DGLUCY: variants seen among roughly 807,000 people sequenced by gnomAD.
DGLUCY encodes the protein D-glutamate cyclase, also known as D-glutamate cyclase, mitochondrial.
DGLUCY carries 58 observed loss-of-function variants against 58.5 expected under a neutral mutation model. The ratio of observed to expected loss-of-function variants is 0.99; its 90% CI spans 0.80 to 1.23. The LOEUF is 1.23. Among genes scored for constraint, DGLUCY ranks in the 50% most tolerant of loss-of-function variants. DGLUCY has a pLI of 0.00. For missense variants in DGLUCY, 779 were observed against 784.7 expected (o/e 0.99, Z 0.09); for synonymous variants, 325 against 314.1 (o/e 1.03, Z -0.37).
intron 9 of DGLUCY, 93 bp from the exon 10 acceptor site, chr14:91,196,282 G>A: frequency 1.1e-6 from 1 of 912,122 alleles, no homozygotes. Flanking sequence ...CAACAGTAAT[G>A]ATACCCTTCA....
At chr14:91,169,093 A>T (rs118090471) in intron 4 of DGLUCY, among the ~76,000 whole-genome samples, 7,753 of 152,102 alleles carry the variant, frequency 0.051, 272 homozygotes, top group African/African-American at 0.093. Flanking sequence ...TCTCAAAAAA[A>T]AAATAAATAA....
At chr14:91,164,022 T>C (rs958857065) in intron 3 of DGLUCY, among the ~76,000 whole-genome samples, 15 of 152,172 alleles carry the variant, frequency 9.9e-5, no homozygotes, top group Admixed American at 6.6e-4. Context: ...CGATCTCGGC[T>C]CACTGCAGCC....
At chr14:91,069,316 C>T (rs9989151) in intron 1 of DGLUCY, among the ~76,000 whole-genome samples, 44,513 of 152,060 alleles carry the variant, frequency 0.29, 6,591 homozygotes, top group Middle Eastern at 0.32. Flanking sequence ...TGCTCTGTCA[C>T]CCAGGCTGGA....
At chr14:91,076,645 A>C (rs1488780472) in intron 1 of DGLUCY, among the ~76,000 whole-genome samples, 1 of 152,190 alleles carries the variant, frequency 6.6e-6, no homozygotes, top group Non-Finnish European at 1.5e-5. Flanking sequence ...GAAACTCCAC[A>C]GGGATGGTGA....
chr14:91,220,648 T>A (rs1887330458), intron 13 of DGLUCY: 1 of 456,130 alleles, frequency 2.2e-6, no homozygotes. Flanking sequence ...TTTCTCCCGC[T>A]GCCACACTCC....
intron 8 of DGLUCY, among the ~76,000 whole-genome samples, chr14:91,185,271 A>ATTTTTTT (rs35639010): frequency 0.023 from 890 of 38,378 alleles, 133 homozygotes; most frequent in African/African-American, 0.042. Context: ...GCCCAGCCGG[A>ATTTTTTT]TTTTTTTTTT....
intron 8 of DGLUCY, among the ~76,000 whole-genome samples, chr14:91,188,441 C>T (rs1384569953): frequency 6.6e-6 from 1 of 152,136 alleles, no homozygotes; most frequent in Non-Finnish European, 1.5e-5. Flanking sequence ...CTGTGGCAAG[C>T]AATTTGCAGT....
chr14:91,074,336 G>A (rs1183678363), intron 1 of DGLUCY, among the ~76,000 whole-genome samples: 3 of 146,234 alleles, frequency 2.1e-5, no homozygotes, highest in Admixed American at 6.9e-5. Flanking sequence ...TATATAAACC[G>A]AGTGTGATGG....
intron 1 of DGLUCY, among the ~76,000 whole-genome samples, chr14:91,142,192 A>T (rs868033541): frequency 1.4e-4 from 21 of 152,168 alleles, no homozygotes; most frequent in African/African-American, 4.8e-4. Flanking sequence ...GTAGAGCTGG[A>T]GCTTGGCATT....
upstream of DGLUCY, among the ~76,000 whole-genome samples, chr14:91,113,798 C>T (rs1011165929): frequency 6.6e-6 from 1 of 152,202 alleles, no homozygotes; most frequent in Non-Finnish European, 1.5e-5. Context: ...TTCACCAGAT[C>T]GGCTGCACAT....
intron 9 of DGLUCY, among the ~76,000 whole-genome samples, chr14:91,194,629 C>T (rs1260371703): frequency 6.6e-6 from 1 of 151,708 alleles, no homozygotes; most frequent in Non-Finnish European, 1.5e-5. Context: ...CAACCTCCGA[C>T]TCCCGGGTTC....
At chr14:91,147,896 G>C (rs1245095575) in intron 1 of DGLUCY, 1 of 152,244 alleles carries the variant, frequency 6.6e-6, no homozygotes, top group Non-Finnish European at 1.5e-5. Flanking sequence ...CAGACGGGGC[G>C]CAGTGGCGCA....
chr14:91,062,287 C>T (rs769725840), intron 1 of DGLUCY, among the ~76,000 whole-genome samples: 15 of 151,754 alleles, frequency 9.9e-5, no homozygotes, highest in Non-Finnish European at 2.1e-4. Flanking sequence ...TGGTTCACAC[C>T]TGTAAGCCCA....
At chr14:91,125,130 G>A (rs1467566587) in intron 1 of DGLUCY, among the ~76,000 whole-genome samples, 1 of 152,192 alleles carries the variant, frequency 6.6e-6, no homozygotes, top group African/African-American at 2.4e-5. Context: ...GCAGTAGGGT[G>A]GACGAGTCAG....
intron 1 of DGLUCY, among the ~76,000 whole-genome samples, chr14:91,145,632 CCCT>C (rs1052757514): frequency 2.0e-5 from 3 of 152,142 alleles, no homozygotes; most frequent in African/African-American, 2.4e-5. Context: ...ACCACCATCC[CCCT>C]CCTCCTCCTC....
rs1566925595 is a variant in DGLUCY, at chr14:91,062,587, ATATATATATATATATATATATAT to A, written c.-82+1884_-82+1906del. On this transcript the variant is annotated intron_variant, in intron 1 of 4. Coordinates refer to the DGLUCY transcript ENST00000521334. ...TATATATATATATATATATATATATATATATATATATATATATATATATAAACAATCCTTAGCTCAAGGGCAGT... is the reference window on the plus strand; with the variant it reads ...TATATATATATATATATATATATATAAAACAATCCTTAGCTCAAGGGCAGT... Among the ~76,000 whole-genome samples, 4 of 23,790 alleles carry A rather than the reference ATATATATATATATATATATATAT, an allele frequency of 1.7e-4. 1 individual carries two copies. The highest frequency in any genetic ancestry group is 3.9e-4 in the Non-Finnish European group (4 of 10,150). The allele number at this position is 23,790 out of a possible 152,430, so 15.6% of individuals were successfully genotyped here.
chr14:91,182,094 C>T (rs946295538), intron 8 of DGLUCY, among the ~76,000 whole-genome samples: 5 of 150,970 alleles, frequency 3.3e-5, no homozygotes, highest in African/African-American at 9.7e-5. Context: ...GATTCTCCTG[C>T]CTCAGCCTCC....
intron 1 of DGLUCY, among the ~76,000 whole-genome samples, chr14:91,142,840 AACACACACACACACACACACACAC>A (rs558892923): frequency 1.6e-5 from 2 of 124,226 alleles, no homozygotes; most frequent in African/African-American, 3.0e-5. Context: ...ATCTCTACTA[AACACACACACACACACACACACAC>A]ACACACACAC....
At chr14:91,198,419 A>G (rs2050350747) in intron 10 of DGLUCY, among the ~76,000 whole-genome samples, 1 of 148,562 alleles carries the variant, frequency 6.7e-6, no homozygotes, top group Non-Finnish European at 1.5e-5. Context: ...ATCTTGGCTC[A>G]CTGCAACCTC....
Sources: gnomAD v4.1 joint callset for allele counts (sites outside exome capture counted in the v4.1 genomes callset) on GRCh38, gnomAD v4.1.1 for gene constraint, MANE v1.5 for transcripts, NCBI Gene and HGNC (gene_info 2026-07-23, HGNC 2026-07-21) for gene names.